The following CDKAL1 variants were observed in gnomAD, a reference collection of about 807,000 sequenced individuals.
CDKAL1 encodes threonylcarbamoyladenosine tRNA methylthiotransferase.
A neutral mutation model predicts 68.2 loss-of-function variants in CDKAL1; 32 were observed. The ratio of observed to expected loss-of-function variants is 0.47; its 90% CI spans 0.35 to 0.63. The LOEUF (loss-of-function observed/expected upper bound fraction) is 0.63. Ranked by LOEUF, CDKAL1 falls within the 30% of genes least tolerant of loss-of-function variation. The pLI is 0.00. For synonymous variants in CDKAL1, 234 were observed against 244.3 expected (o/e 0.96, Z 0.39); for missense variants, 606 against 696.7 (o/e 0.87, Z 1.47).
chr6:20,698,116 C>T (rs1446455923), intron 5 of CDKAL1, among the ~76,000 whole-genome samples: 3 of 152,098 alleles, frequency 2.0e-5, no homozygotes, highest in Non-Finnish European at 4.4e-5. Context: ...TTCACATTGA[C>T]TTTGTCTTAT....
intron 4 of CDKAL1, among the ~76,000 whole-genome samples, chr6:20,569,818 A>G (rs1189921392): frequency 6.6e-6 from 1 of 152,058 alleles, no homozygotes; most frequent in Non-Finnish European, 1.5e-5. Flanking sequence ...CCTTTTTGAG[A>G]TGATTTAGAA....
chr6:20,665,324 T>C (rs1405905667), intron 5 of CDKAL1, among the ~76,000 whole-genome samples: 1 of 143,442 alleles, frequency 7.0e-6, no homozygotes, highest in African/African-American at 2.8e-5. Flanking sequence ...ATGTGATTAA[T>C]ATAAGGAAAA....
At chr6:21,194,983 C>T (rs1185613911) in intron 13 of CDKAL1, among the ~76,000 whole-genome samples, 1 of 152,022 alleles carries the variant, frequency 6.6e-6, no homozygotes, top group Non-Finnish European at 1.5e-5. Flanking sequence ...ACTCTGTTGC[C>T]CAGACTGGAG....
intron 2 of CDKAL1, among the ~76,000 whole-genome samples, chr6:20,535,893 C>T (rs1763148507): frequency 2.0e-5 from 3 of 152,154 alleles, no homozygotes; most frequent in Admixed American, 1.3e-4. Context: ...TCCCTGATGG[C>T]TCATGATGTT....
intron 8 of CDKAL1, among the ~76,000 whole-genome samples, chr6:20,801,793 G>A (rs1016821017): frequency 2.6e-5 from 4 of 152,084 alleles, no homozygotes; most frequent in African/African-American, 9.7e-5. Context: ...TAAATAGTCT[G>A]CATTTTCTGT....
At chr6:20,768,232 T>G (rs9465886) in intron 7 of CDKAL1, among the ~76,000 whole-genome samples, 1 of 151,514 alleles carries the variant, frequency 6.6e-6, no homozygotes, top group Non-Finnish European at 1.5e-5. Flanking sequence ...CTAACAATGC[T>G]ATCTTTAACA....
chr6:20,710,031 A>G (rs1451458558), intron 5 of CDKAL1, among the ~76,000 whole-genome samples: 2 of 152,180 alleles, frequency 1.3e-5, no homozygotes, highest in East Asian at 3.9e-4. Context: ...AAAATCCCAT[A>G]TGAATTAACC....
chr6:20,727,281 C>G (rs889902558), intron 5 of CDKAL1, among the ~76,000 whole-genome samples: 4 of 152,124 alleles, frequency 2.6e-5, no homozygotes, highest in African/African-American at 9.7e-5. Context: ...CCCTCTTAGG[C>G]TCAGTAGCTG....
intron 5 of CDKAL1, among the ~76,000 whole-genome samples, chr6:20,673,983 A>G (rs1769971670): frequency 6.6e-6 from 1 of 151,980 alleles, no homozygotes; most frequent in African/African-American, 2.4e-5. Flanking sequence ...TTGCCTTTGT[A>G]AATATTTTTT....
At chr6:21,054,929 CAT>C (rs1770748235) in intron 11 of CDKAL1, among the ~76,000 whole-genome samples, 1 of 151,606 alleles carries the variant, frequency 6.6e-6, no homozygotes, top group Non-Finnish European at 1.5e-5. Flanking sequence ...GTCTTTTAAA[CAT>C]ATATGCCTTT....
intron 15 of CDKAL1, among the ~76,000 whole-genome samples, chr6:21,223,253 G>T (rs1779602415): frequency 6.6e-6 from 1 of 152,282 alleles, no homozygotes; most frequent in Admixed American, 6.5e-5. Flanking sequence ...AAGTGTTGCT[G>T]TGGGGCTGTA....
chr6:20,534,775 G>C (rs1763103455), intron 1 of CDKAL1, among the ~76,000 whole-genome samples: 1 of 152,150 alleles, frequency 6.6e-6, no homozygotes, highest in African/African-American at 2.4e-5. Context: ...TTGGCCTCAG[G>C]TGCCGCTCTC....
intron 9 of CDKAL1, among the ~76,000 whole-genome samples, chr6:20,952,948 C>A (rs1005013697): frequency 6.6e-6 from 1 of 152,216 alleles, no homozygotes; most frequent in African/African-American, 2.4e-5. Flanking sequence ...TACACCCTTA[C>A]AAAAGCTGAA....
intron 12 of CDKAL1, among the ~76,000 whole-genome samples, chr6:21,070,073 A>G (rs528660787): frequency 5.3e-5 from 8 of 152,228 alleles, no homozygotes; most frequent in African/African-American, 1.9e-4. Flanking sequence ...TACAGGCATG[A>G]GCCAGGTCCC....
intron 10 of CDKAL1, among the ~76,000 whole-genome samples, chr6:20,985,403 C>A (rs1250549196): frequency 1.3e-5 from 2 of 152,162 alleles, no homozygotes; most frequent in African/African-American, 4.8e-5. Flanking sequence ...AAGCGGTTCC[C>A]CTGCCTCAGC....
chr6:21,101,892 G>A (rs1389718082), intron 12 of CDKAL1, among the ~76,000 whole-genome samples: 1 of 152,022 alleles, frequency 6.6e-6, no homozygotes, highest in Non-Finnish European at 1.5e-5. Context: ...CTACCTCCCA[G>A]CTGTTAATCA....
chr6:20,966,971 A>C (rs1765351650), intron 10 of CDKAL1, among the ~76,000 whole-genome samples: 1 of 152,184 alleles, frequency 6.6e-6, no homozygotes, highest in Non-Finnish European at 1.5e-5. Context: ...AAAGTACCAC[A>C]AACTGGGTAT....
At chr6:20,759,273 G>A (rs956395695) in intron 7 of CDKAL1, among the ~76,000 whole-genome samples, 8 of 152,182 alleles carry the variant, frequency 5.3e-5, no homozygotes, top group African/African-American at 1.9e-4. Context: ...TGGGCACAGT[G>A]GTTCATGCCT....
intron 4 of CDKAL1, among the ~76,000 whole-genome samples, chr6:20,635,858 A>T (rs1321637688): frequency 6.6e-6 from 1 of 152,376 alleles, no homozygotes; most frequent in South Asian, 2.1e-4. Flanking sequence ...TCACAAGGAA[A>T]TGAAGACCCA....
Sources: gnomAD v4.1 joint callset for allele counts (sites outside exome capture counted in the v4.1 genomes callset) on GRCh38, gnomAD v4.1.1 for gene constraint, MANE v1.5 for transcripts, NCBI Gene and HGNC (gene_info 2026-07-23, HGNC 2026-07-21) for gene names.